Variants in NMD3 observed in about 807,000 individuals in gnomAD.
The protein encoded by NMD3 is NMD3 ribosome export adaptor, also known as 60S ribosomal export protein NMD3.
NMD3 carries 47 observed loss-of-function variants against 73.1 expected under a neutral mutation model. The ratio of observed to expected loss-of-function variants is 0.64; its 90% confidence interval spans 0.51 to 0.82. The LOEUF is 0.82. Ranked by LOEUF, NMD3 falls within the 40% of genes least tolerant of loss-of-function variation. NMD3 has a pLI of 0.00. For synonymous variants in NMD3, 210 were observed against 194.5 expected (o/e 1.08, Z -0.66); for missense variants, 554 against 612.5 (o/e 0.90, Z 1.01).
chr3:161,242,733 T>A, intron 11 of NMD3, 80 bp downstream of exon 11: 1 of 1,426,666 alleles, frequency 7.0e-7, no homozygotes, highest in Middle Eastern at 1.8e-4. Flanking sequence ...AAAAAAAATT[T>A]GTTGGTGTTT....
chr3:161,243,503 T>G (rs1343201462), intron 11 of NMD3, among the ~76,000 whole-genome samples: 1 of 152,222 alleles, frequency 6.6e-6, no homozygotes, highest in African/African-American at 2.4e-5. Flanking sequence ...AGACCACTCA[T>G]TAAATGGGAA....
At chr3:161,232,396 A>C (rs1736577574) in intron 4 of NMD3, among the ~76,000 whole-genome samples, 1 of 152,106 alleles carries the variant, frequency 6.6e-6, no homozygotes, top group Admixed American at 6.6e-5. Context: ...CTGCAGCCCA[A>C]ATTTTTTTAT....
chr3:161,247,270 C>A lies in NMD3; in HGVS notation c.1143C>A (p.Ala381=). ...GTTTACATTTCAGGTTTGATTTGGC[C>A]AACTGTAACTTAAATGATGAGCATG... The part of the protein sequence containing the change: ...PGDLVLGFDL[A]NCNLNDEHVN... Residue 381 remains alanine, a synonymous_variant, in exon 13 of 16, where the codon GCC becomes GCA. Transcript: ENST00000351193. 1 of 1,608,852 alleles carries A rather than the reference C, an allele frequency of 6.2e-7. No homozygotes were observed. Among genetic ancestry groups the A allele is most frequent in the African/African-American group, 1.3e-5 (1 of 74,882 alleles).
intron 4 of NMD3, among the ~76,000 whole-genome samples, chr3:161,230,374 C>T (rs779098797): frequency 5.9e-5 from 9 of 152,076 alleles, no homozygotes; most frequent in East Asian, 5.8e-4. Context: ...TGAGCTCAAG[C>T]GATCCTCCTG....
chr3:161,242,789 C>CT (rs1295397941), intron 11 of NMD3, 136 bp downstream of exon 11: 23,125 of 465,066 alleles, frequency 0.05, 68 homozygotes, highest in African/African-American at 0.073. Flanking sequence ...GAAAAAAATT[C>CT]TTTTTTTTTT....
intron 13 of NMD3, among the ~76,000 whole-genome samples, chr3:161,247,735 G>A (rs1367310300): frequency 6.6e-6 from 1 of 151,092 alleles, no homozygotes; most frequent in African/African-American, 2.4e-5. Context: ...GTTGTGGTAA[G>A]CTGAGATTGC....
In NMD3 at chr3:161,250,977, T is replaced by G; in HGVS notation, c.*67T>G. On this transcript the variant is annotated 3_prime_UTR_variant, in exon 16 of 16. Coordinates refer to ENST00000351193, the MANE Select transcript of NMD3 (RefSeq NM_015938.5). ...TGGACAGAGTTACCTTAAGTGTCTC[T>G]ACTATCTTTGCCTCCAGATTTCAAG... The G allele has an allele frequency of 1.5e-6, 2 of 1,331,734 alleles. No homozygotes were observed. The highest frequency in any genetic ancestry group is 2.1e-6 in the Non-Finnish European group (2 of 957,246). 82.5% of individuals were successfully genotyped at this position (1,331,734 alleles called of 1,614,324 possible). A position where few individuals can be genotyped will look rare whatever the true frequency, so the allele number is the denominator to read the frequency against.
intron 5 of NMD3, 106 bp from the exon 6 acceptor site, chr3:161,234,621 C>A: frequency 1.1e-6 from 1 of 885,566 alleles, no homozygotes. Flanking sequence ...GTCCTCAAAG[C>A]ATTAATGGAA....
chr3:161,225,381 GTTA>G (rs1489952357), intron 3 of NMD3, among the ~76,000 whole-genome samples: 4 of 151,990 alleles, frequency 2.6e-5, no homozygotes, highest in Admixed American at 1.3e-4. Flanking sequence ...AGGACATATT[GTTA>G]TTATGAGGTT....
intron 10 of NMD3, 79 bp from the exon 11 acceptor site, chr3:161,242,429 A>G (rs1737023337): frequency 3.0e-6 from 4 of 1,334,304 alleles, no homozygotes; most frequent in East Asian, 2.5e-5. Context: ...GGTATCTACC[A>G]GTTTATTCTT....
intron 2 of NMD3, among the ~76,000 whole-genome samples, chr3:161,224,635 C>T (rs1249335748): frequency 6.6e-6 from 1 of 151,620 alleles, no homozygotes; most frequent in Middle Eastern, 3.2e-3. Flanking sequence ...TACAGGCGTG[C>T]GCCACCATGC....
chr3:161,234,199 C>T (rs1016226404), intron 5 of NMD3, among the ~76,000 whole-genome samples: 3 of 151,742 alleles, frequency 2.0e-5, no homozygotes, highest in African/African-American at 7.3e-5. Flanking sequence ...CATGGTGGCT[C>T]ACACCTGTGA....
intron 4 of NMD3, 129 bp from the exon 5 acceptor site, chr3:161,233,270 G>T: frequency 1.9e-6 from 1 of 514,326 alleles, no homozygotes. Flanking sequence ...TGTGATGATG[G>T]TGTGTAGTAT....
At chr3:161,248,479 G>T (rs1041829127) in intron 13 of NMD3, among the ~76,000 whole-genome samples, 5 of 152,074 alleles carry the variant, frequency 3.3e-5, no homozygotes, top group Non-Finnish European at 5.9e-5. Context: ...GATAGAGCAA[G>T]ATTCCGTCTC....
chr3:161,246,387 A>C lies in NMD3; in HGVS notation c.1069A>C (p.Lys357Gln), dbSNP rs751995972. 1 of 1,530,730 alleles carries C rather than the reference A, an allele frequency of 6.5e-7. No individual in the cohort carries two copies. The allele number at this position is 1,530,730 out of a possible 1,614,324, so 94.8% of individuals were successfully genotyped here. A position where few individuals can be genotyped will look rare whatever the true frequency, so the allele number is the denominator to read the frequency against. The change falls in exon 12 of 16, where the codon AAA (lysine) becomes CAA (glutamine). Residue 357 changes from lysine to glutamine, a missense_variant. By Grantham distance (53) the Lys-to-Gln change is moderately conservative (BLOSUM62 1). Transcript: ENST00000351193. ...VQKTSEMNTD[K>Q]QYFCRTHLGH... is the part of the protein sequence containing the mutation. ...GAAGACATCTGAAATGAATACAGAT[A>C]AACAGTATTTTTGTCGTACTCATTT...
intron 11 of NMD3, among the ~76,000 whole-genome samples, chr3:161,246,057 A>G (rs997683613): frequency 6.6e-6 from 1 of 152,082 alleles, no homozygotes; most frequent in Non-Finnish European, 1.5e-5. Context: ...TTCTACATAT[A>G]TATATTTTTA....
chr3:161,234,650 T>C, intron 5 of NMD3, 77 bp from the exon 6 acceptor site: 1 of 1,266,884 alleles, frequency 7.9e-7, no homozygotes, highest in Non-Finnish European at 1.1e-6. Flanking sequence ...AAATTAAATA[T>C]TAAAGGTTCT....
Position 161,250,810 on chromosome 3 carries a change from A to G in NMD3, c.1412A>G (p.Asp471Gly). ...DSAIPVESDT[D>G]DEGAPRISLA... ...GCCATCCCTGTGGAAAGTGACACCG[A>G]TGATGAAGGAGCACCTCGAATTAGT... Residue 471 changes from aspartate (D) to glycine (G), a missense_variant, in exon 16 of 16, where the codon GAT becomes GGT. By Grantham distance (94) the Asp-to-Gly change is moderately conservative. Transcript: ENST00000351193. 1.9e-6 allele frequency: 3 copies of G among 1,611,394 alleles called. No homozygotes were observed. The highest frequency in any genetic ancestry group is 2.5e-6 in the Non-Finnish European group (3 of 1,177,832).
intron 9 of NMD3, among the ~76,000 whole-genome samples, chr3:161,240,832 C>T (rs1736945228): frequency 7.4e-6 from 1 of 135,076 alleles, no homozygotes. Context: ...GCGTGCTCAG[C>T]CAGGATTTTT....
Sources: allele counts gnomAD v4.1 joint callset (sites outside exome capture counted in the v4.1 genomes callset), GRCh38; gene constraint gnomAD v4.1.1; transcripts MANE v1.5; gene names NCBI Gene and HGNC (gene_info 2026-07-23, HGNC 2026-07-21).